Variants in RBFOX2 observed in about 807,000 individuals in gnomAD.
The protein encoded by RBFOX2 is RNA binding fox-1 homolog 2.
RBFOX2 carries 10 observed loss-of-function variants against 49.1 expected under a neutral mutation model. The ratio of observed to expected loss-of-function variants is 0.20; its 90% confidence interval spans 0.13 to 0.35. RBFOX2 has a LOEUF of 0.35. Among genes scored for constraint, RBFOX2 ranks in the 10% least tolerant of loss-of-function variants. The pLI is 1.00. For synonymous variants in RBFOX2, 183 were observed against 187.4 expected, an observed-to-expected ratio of 0.98 and a Z score of 0.19; for missense variants, 323 against 486.9, an observed-to-expected ratio of 0.66 and a Z score of 3.17.
At chr22:35,738,765 T>C (rs1437612213) in exon 12 of RBFOX2, 1 of 152,036 alleles carries the variant, frequency 6.6e-6, no homozygotes, top group Non-Finnish European at 1.5e-5. Flanking sequence ...TTAAAAACAG[T>C]GCTTCATTAC....
intron 1 of RBFOX2, among the ~76,000 whole-genome samples, chr22:35,945,360 G>A (rs2054158067): frequency 6.6e-6 from 1 of 151,282 alleles, no homozygotes; most frequent in East Asian, 2.2e-4. Context: ...GAATGCCACA[G>A]GAACAGAAGA....
chr22:35,982,806 A>C (rs2057526557), intron 1 of RBFOX2, among the ~76,000 whole-genome samples: 1 of 152,176 alleles, frequency 6.6e-6, no homozygotes, highest in Non-Finnish European at 1.5e-5. Context: ...AAAAAAAAAA[A>C]AAACCACTAA....
At chr22:35,807,009 G>T (rs1330083335) in intron 2 of RBFOX2, among the ~76,000 whole-genome samples, 1 of 152,184 alleles carries the variant, frequency 6.6e-6, no homozygotes, top group Non-Finnish European at 1.5e-5. Flanking sequence ...TCACCATGTT[G>T]GTCAGGCTGG....
chr22:35,979,722 G>A (rs569560383), intron 1 of RBFOX2, among the ~76,000 whole-genome samples: 1 of 152,216 alleles, frequency 6.6e-6, no homozygotes, highest in South Asian at 2.1e-4. Flanking sequence ...AGAATCAATG[G>A]AGAAAAAATA....
At chr22:35,798,747 T>C (rs1949244640) in intron 2 of RBFOX2, among the ~76,000 whole-genome samples, 1 of 152,194 alleles carries the variant, frequency 6.6e-6, no homozygotes, top group Non-Finnish European at 1.5e-5. Context: ...AGAAGGTAGC[T>C]CTAAATTATG....
chr22:35,936,237 C>CAAAAAAAAA (rs58153258), intron 1 of RBFOX2, among the ~76,000 whole-genome samples: 1 of 64,500 alleles, frequency 1.6e-5, no homozygotes, highest in Non-Finnish European at 3.2e-5. Flanking sequence ...CCAACAACAA[C>CAAAAAAAAA]AAAAAAAAAA....
intron 8 of RBFOX2, 108 bp from the exon 10 acceptor site, chr22:35,760,128 C>T: frequency 2.8e-6 from 4 of 1,444,076 alleles, no homozygotes; most frequent in Non-Finnish European, 3.8e-6. Flanking sequence ...AAGATACGAA[C>T]CACACCTTTT....
At chr22:35,799,006 A>G (rs1352193538) in intron 2 of RBFOX2, among the ~76,000 whole-genome samples, 1 of 152,352 alleles carries the variant, frequency 6.6e-6, no homozygotes, top group African/African-American at 2.4e-5. Context: ...ACCTTAGACC[A>G]CCTATACGCC....
intron 1 of RBFOX2, among the ~76,000 whole-genome samples, chr22:35,899,505 CTAAGT>C (rs1374871554): frequency 6.7e-6 from 1 of 148,856 alleles, no homozygotes; most frequent in African/African-American, 2.5e-5. Context: ...CACAGGGAAG[CTAAGT>C]TATCTTTTTT....
At chr22:35,994,508 T>C (rs185952716) in intron 1 of RBFOX2, 2 of 152,064 alleles carry the variant, frequency 1.3e-5, no homozygotes, top group African/African-American at 4.8e-5. Flanking sequence ...CAGGCTCAAA[T>C]GATCCTCCCA....
intron 1 of RBFOX2, among the ~76,000 whole-genome samples, chr22:35,960,962 A>T (rs1476136577): frequency 2.8e-5 from 4 of 144,772 alleles, no homozygotes; most frequent in Admixed American, 6.9e-5. Flanking sequence ...ATATTTGTTT[A>T]AAAAAAAAAA....
intron 2 of RBFOX2, among the ~76,000 whole-genome samples, chr22:35,799,816 G>C (rs535071820): frequency 6.6e-6 from 1 of 151,904 alleles, no homozygotes; most frequent in Non-Finnish European, 1.5e-5. Context: ...AGCCGGGTGT[G>C]GGGGTACACG....
chr22:36,010,024 T>A (rs1040215217), intron 1 of RBFOX2, among the ~76,000 whole-genome samples: 4 of 152,004 alleles, frequency 2.6e-5, no homozygotes, highest in Non-Finnish European at 5.9e-5. Context: ...AAAATCTACA[T>A]CTTAGTGTGT....
chr22:35,889,116 C>T (rs2046950056), intron 1 of RBFOX2, among the ~76,000 whole-genome samples: 1 of 152,114 alleles, frequency 6.6e-6, no homozygotes, highest in Admixed American at 6.5e-5. Flanking sequence ...GATCATGCCA[C>T]TGTGCTCCAG....
chr22:35,961,632 A>T (rs1161220458), exon 1 of RBFOX2: 2 of 1,303,844 alleles, frequency 1.5e-6, no homozygotes, highest in African/African-American at 3.0e-5. Context: ...TGGAATTCTA[A>T]ACCCTGCTGC....
At chr22:35,929,006 C>T (rs1198810485) in intron 1 of RBFOX2, among the ~76,000 whole-genome samples, 1 of 152,124 alleles carries the variant, frequency 6.6e-6, no homozygotes, top group Non-Finnish European at 1.5e-5. Flanking sequence ...GTAATACCAG[C>T]TACTCAGGGA....
Position 35,805,071 on chromosome 22 carries a change from A to C in RBFOX2, c.252+4709T>G, listed in dbSNP as rs531150548. 2.3e-4 allele frequency among the ~76,000 whole-genome samples: 35 copies of C among 152,136 alleles called. No individual in the cohort carries two copies. The East Asian group carries it at 6.2e-3, about 27-fold the overall frequency. On this transcript the variant is annotated intron_variant, in intron 2 of 11. Coordinates refer to ENST00000405409, the Ensembl canonical transcript of RBFOX2. ...GGGAGGCCGAGGCGGGCGGATCACG[A>C]GGTCAGGAGATCGAGACCATCCTGG...
intron 9 of RBFOX2, among the ~76,000 whole-genome samples, chr22:35,757,410 A>G (rs1284671411): frequency 1.3e-5 from 2 of 152,182 alleles, no homozygotes; most frequent in East Asian, 3.8e-4. Flanking sequence ...TGTGAAGTCA[A>G]GATCAGATTG....
intron 1 of RBFOX2, among the ~76,000 whole-genome samples, chr22:35,980,252 G>T (rs891148108): frequency 1.6e-4 from 24 of 150,982 alleles, no homozygotes; most frequent in African/African-American, 5.7e-4. Context: ...CCCATAAATA[G>T]GAAAAAGAAT....
Sources: allele counts gnomAD v4.1 joint callset (sites outside exome capture counted in the v4.1 genomes callset), GRCh38; gene constraint gnomAD v4.1.1; transcripts MANE v1.5; gene names NCBI Gene and HGNC (gene_info 2026-07-23, HGNC 2026-07-21).